Variants in GABRB1 observed in about 807,000 individuals in gnomAD.
GABRB1 encodes the protein gamma-aminobutyric acid type A receptor subunit beta1.
GABRB1 carries 17 observed loss-of-function variants against 51.6 expected under a neutral mutation model. The ratio of observed to expected loss-of-function variants is 0.33; its 90% confidence interval spans 0.23 to 0.49. GABRB1 has a LOEUF of 0.49. GABRB1 is among the 20% of genes least tolerant of loss of function. GABRB1 has a pLI of 0.99. For missense variants in GABRB1, 410 were observed against 600.6 expected, an observed-to-expected ratio of 0.68 and a Z score of 3.32; for synonymous variants, 247 against 218.9, an observed-to-expected ratio of 1.13 and a Z score of -1.14.
intron 3 of GABRB1, among the ~76,000 whole-genome samples, chr4:47,118,320 C>G (rs1715597357): frequency 6.6e-6 from 1 of 152,102 alleles, no homozygotes; most frequent in Non-Finnish European, 1.5e-5. Context: ...ACTAAAGAGA[C>G]TCATTCACAG....
intron 4 of GABRB1, among the ~76,000 whole-genome samples, chr4:47,299,135 C>A (rs1255222560): frequency 2.0e-5 from 3 of 151,820 alleles, no homozygotes; most frequent in African/African-American, 7.3e-5. Context: ...CCATAAAAAC[C>A]CTAGAAGAAA....
intron 3 of GABRB1, among the ~76,000 whole-genome samples, chr4:47,160,346 C>A (rs1396142738): frequency 6.6e-6 from 1 of 152,122 alleles, no homozygotes. Context: ...AGTCTTCAGA[C>A]CAAATAAACA....
chr4:47,271,628 G>A (rs1295622282), intron 4 of GABRB1, among the ~76,000 whole-genome samples: 2 of 152,112 alleles, frequency 1.3e-5, no homozygotes, highest in African/African-American at 4.8e-5. Flanking sequence ...TGTGCAGAAG[G>A]CAGCTTCAGA....
chr4:47,233,882 A>C (rs1196652221), intron 4 of GABRB1, among the ~76,000 whole-genome samples: 2 of 152,300 alleles, frequency 1.3e-5, no homozygotes, highest in East Asian at 3.9e-4. Context: ...TTGCTAGCAA[A>C]TCAAGGAAAT....
At chr4:47,358,611 T>G (rs1238916894) in intron 5 of GABRB1, among the ~76,000 whole-genome samples, 1 of 152,050 alleles carries the variant, frequency 6.6e-6, no homozygotes, top group African/African-American at 2.4e-5. Context: ...CCTCTTCTTT[T>G]AGGGATACCA....
At chr4:47,265,291 A>G (rs996054450) in intron 4 of GABRB1, among the ~76,000 whole-genome samples, 5 of 152,120 alleles carry the variant, frequency 3.3e-5, no homozygotes, top group Non-Finnish European at 7.4e-5. Context: ...ATTGTTTTTT[A>G]TGGCTGAAAA....
intron 4 of GABRB1, among the ~76,000 whole-genome samples, chr4:47,201,274 A>G (rs1423924276): frequency 6.6e-6 from 1 of 152,160 alleles, no homozygotes. Flanking sequence ...ATAAGAAACC[A>G]AAGTTCAAAG....
chr4:47,260,030 T>G (rs1722366646), intron 4 of GABRB1, among the ~76,000 whole-genome samples: 1 of 152,184 alleles, frequency 6.6e-6, no homozygotes, highest in Admixed American at 6.5e-5. Flanking sequence ...GCATACATAT[T>G]TAGGATAGTT....
intron 3 of GABRB1, among the ~76,000 whole-genome samples, chr4:47,153,661 T>C (rs1179225720): frequency 2.6e-5 from 4 of 152,008 alleles, no homozygotes; most frequent in East Asian, 1.9e-4. Flanking sequence ...ATGTGCCCCA[T>C]GTATTAAAAT....
At chr4:47,048,480 A>C (rs1405538951) in intron 3 of GABRB1, among the ~76,000 whole-genome samples, 2 of 152,178 alleles carry the variant, frequency 1.3e-5, no homozygotes, top group Non-Finnish European at 2.9e-5. Flanking sequence ...AGAGCCTTAC[A>C]CATAGAGCAG....
intron 4 of GABRB1, among the ~76,000 whole-genome samples, chr4:47,269,244 G>A (rs980795575): frequency 4.6e-5 from 7 of 152,108 alleles, no homozygotes; most frequent in Non-Finnish European, 1.5e-5. Flanking sequence ...ATTCTGCTAT[G>A]GCAAGGCTGA....
chr4:47,232,981 T>C (rs1349662697), intron 4 of GABRB1, among the ~76,000 whole-genome samples: 1 of 151,938 alleles, frequency 6.6e-6, no homozygotes, highest in South Asian at 2.1e-4. Context: ...TTCAAGCAAT[T>C]CTTCTGCCTC....
chr4:47,403,566 T>C lies in GABRB1; in HGVS notation c.690T>C (p.Tyr230=). The C allele has an allele frequency of 6.2e-7, 1 of 1,613,976 alleles. No homozygotes were observed. Among genetic ancestry groups the C allele is most frequent in the Middle Eastern group, 1.6e-4 (1 of 6,062 alleles). Residue 230 remains tyrosine (Y), a synonymous_variant, in exon 7 of 9, where the codon TAT becomes TAC. Transcript: ENST00000295454. The part of the protein sequence containing the change: ...SKKVEFTTGA[Y]PRLSLSFRLK... ...TTTTGTTTCTCAACTCAGGAGCGTA[T>C]CCACGACTGTCACTAAGTTTTCGTC...
At chr4:47,277,805 G>T (rs11932780) in intron 4 of GABRB1, among the ~76,000 whole-genome samples, 1 of 151,708 alleles carries the variant, frequency 6.6e-6, no homozygotes, top group African/African-American at 2.4e-5. Flanking sequence ...ATAGATATTA[G>T]GCCTACTGTC....
chr4:47,302,421 T>G (rs1054419123), intron 4 of GABRB1, among the ~76,000 whole-genome samples: 3 of 152,018 alleles, frequency 2.0e-5, no homozygotes, highest in Non-Finnish European at 4.4e-5. Context: ...TTCGGCATAT[T>G]TCTGAATATA....
chr4:47,403,771 T>C, intron 7 of GABRB1, 60 bp downstream of exon 7: 5 of 1,541,206 alleles, frequency 3.2e-6, no homozygotes, highest in Non-Finnish European at 4.4e-6. Flanking sequence ...AAATAACCAA[T>C]ATCAGGAATT....
At chr4:47,178,351 G>T (rs1346454986) in intron 4 of GABRB1, among the ~76,000 whole-genome samples, 1 of 151,986 alleles carries the variant, frequency 6.6e-6, no homozygotes, top group African/African-American at 2.4e-5. Context: ...TAAATGGAAG[G>T]CTCTCTCATG....
chr4:47,389,912 G>C (rs1423083881), intron 5 of GABRB1, among the ~76,000 whole-genome samples: 1 of 152,128 alleles, frequency 6.6e-6, no homozygotes, highest in African/African-American at 2.4e-5. Context: ...ATTTCAGTAG[G>C]TTATTTTCTA....
intron 8 of GABRB1, among the ~76,000 whole-genome samples, chr4:47,418,073 GT>G (rs1390616688): frequency 6.6e-6 from 1 of 152,178 alleles, no homozygotes; most frequent in African/African-American, 2.4e-5. Flanking sequence ...TCAGATTTCT[GT>G]TAAGGAAAGA....
Sources: gnomAD v4.1 joint callset for allele counts (sites outside exome capture counted in the v4.1 genomes callset) on GRCh38, gnomAD v4.1.1 for gene constraint, MANE v1.5 for transcripts, NCBI Gene and HGNC (gene_info 2026-07-23, HGNC 2026-07-21) for gene names.